The following ZBTB20 variants were observed in gnomAD, a reference collection of about 807,000 sequenced individuals.
ZBTB20 encodes zinc finger and BTB domain-containing protein 20.
ZBTB20 carries 9 observed loss-of-function variants against 56.9 expected under a neutral mutation model. That is an observed-to-expected ratio of 0.16 (90% CI 0.10 to 0.28). The LOEUF is 0.28. Among genes scored for constraint, ZBTB20 ranks in the 10% least tolerant of loss-of-function variants. ZBTB20 has a pLI of 1.00. For synonymous variants in ZBTB20, 417 were observed against 420.7 expected (o/e 0.99, Z 0.11); for missense variants, 655 against 1,003.0 (o/e 0.65, Z 4.69).
At chr3:114,834,188 T>A (rs2074003428) in intron 4 of ZBTB20, among the ~76,000 whole-genome samples, 1 of 152,160 alleles carries the variant, frequency 6.6e-6, no homozygotes, top group Non-Finnish European at 1.5e-5. Context: ...GTATTAATAT[T>A]TTATATCTTA....
chr3:114,921,422 A>C (rs2075954502), intron 3 of ZBTB20, among the ~76,000 whole-genome samples: 1 of 151,886 alleles, frequency 6.6e-6, no homozygotes, highest in African/African-American at 2.4e-5. Flanking sequence ...CGTGCCTGGC[A>C]AAAGAACTAG....
chr3:114,504,884 C>T (rs2044413198), intron 6 of ZBTB20, among the ~76,000 whole-genome samples: 1 of 152,184 alleles, frequency 6.6e-6, no homozygotes, highest in Non-Finnish European at 1.5e-5. Flanking sequence ...TCAGATCATA[C>T]CGCTGCTGGC....
intron 6 of ZBTB20, among the ~76,000 whole-genome samples, chr3:114,618,864 T>C (rs2058117792): frequency 1.3e-5 from 2 of 152,200 alleles, no homozygotes. Flanking sequence ...GTTATACAAT[T>C]TTGCTTCCTC....
At chr3:114,765,499 T>C (rs2068724559) in intron 5 of ZBTB20, among the ~76,000 whole-genome samples, 1 of 152,144 alleles carries the variant, frequency 6.6e-6, no homozygotes, top group Admixed American at 6.5e-5. Flanking sequence ...GCAAGAGGCA[T>C]GAAACAGATT....
At chr3:114,648,492 A>G (rs1213144737) in intron 6 of ZBTB20, among the ~76,000 whole-genome samples, 1 of 152,058 alleles carries the variant, frequency 6.6e-6, no homozygotes, top group Non-Finnish European at 1.5e-5. Context: ...GCATGATGGC[A>G]TCTTAAATTT....
At chr3:114,599,631 T>C (rs565819879) in intron 6 of ZBTB20, among the ~76,000 whole-genome samples, 1 of 152,204 alleles carries the variant, frequency 6.6e-6, no homozygotes, top group African/African-American at 2.4e-5. Flanking sequence ...CTAACTCTTA[T>C]TGGTTGCTTT....
chr3:115,102,678 T>G (rs527410303), intron 1 of ZBTB20: 4 of 151,852 alleles, frequency 2.6e-5, no homozygotes, highest in Non-Finnish European at 5.9e-5. Flanking sequence ...TTGGCTTAAG[T>G]GAAAAATGAG....
chr3:114,837,746 G>A (rs1339106449), intron 4 of ZBTB20, among the ~76,000 whole-genome samples: 13 of 151,996 alleles, frequency 8.6e-5, no homozygotes, highest in Non-Finnish European at 5.9e-5. Context: ...TTAAAAATGA[G>A]TCACTAAGTC....
chr3:114,937,187 C>A (rs540882101), intron 3 of ZBTB20, among the ~76,000 whole-genome samples: 11 of 152,252 alleles, frequency 7.2e-5, no homozygotes, highest in African/African-American at 2.6e-4. Flanking sequence ...CTTGAGGAAT[C>A]GCCACACTGT....
rs150438142 is a variant in ZBTB20, at chr3:114,885,182, T to C, written c.-417+15122A>G. ...AGACCTCCCAACTGTACATTGTTAATAGTTGACAGAACACTCCTCCCTTGC... is the reference window on the plus strand; with the variant it reads ...AGACCTCCCAACTGTACATTGTTAACAGTTGACAGAACACTCCTCCCTTGC... On this transcript the variant is annotated intron_variant, in intron 4 of 11. Coordinates refer to ENST00000675478, the MANE Select transcript of ZBTB20 (RefSeq NM_001348800.3). Among the ~76,000 whole-genome samples the C allele has an allele frequency of 1.8e-3, 268 of 152,268 alleles. 2 individuals carry two copies. The highest frequency in any genetic ancestry group is 6.8e-3 in the Middle Eastern group (2 of 294).
intron 6 of ZBTB20, among the ~76,000 whole-genome samples, chr3:114,563,645 G>A (rs2110304208): frequency 6.6e-6 from 1 of 152,170 alleles, no homozygotes; most frequent in South Asian, 2.1e-4. Context: ...AACTTTTCTA[G>A]TCTGGAATGT....
At chr3:114,737,848 T>TA (rs1484781861) in intron 5 of ZBTB20, among the ~76,000 whole-genome samples, 8 of 152,182 alleles carry the variant, frequency 5.3e-5, no homozygotes, top group Non-Finnish European at 8.8e-5. Context: ...TAGTTATTTA[T>TA]AAACCAGTAT....
chr3:114,562,763 T>A (rs2052239026), intron 6 of ZBTB20, among the ~76,000 whole-genome samples: 1 of 152,142 alleles, frequency 6.6e-6, no homozygotes, highest in Non-Finnish European at 1.5e-5. Context: ...TTCAAAATTA[T>A]GTCTCAGGGA....
intron 7 of ZBTB20, among the ~76,000 whole-genome samples, chr3:114,476,211 C>T (rs1210333134): frequency 1.3e-5 from 2 of 152,104 alleles, no homozygotes; most frequent in African/African-American, 4.8e-5. Context: ...TCGTACTATA[C>T]TTAACACAGC....
At chr3:114,963,181 TA>T (rs2077519167) in intron 3 of ZBTB20, among the ~76,000 whole-genome samples, 2 of 152,138 alleles carry the variant, frequency 1.3e-5, no homozygotes, top group Non-Finnish European at 2.9e-5. Flanking sequence ...AGGTAGTAAT[TA>T]ATGTCCCAAT....
chr3:114,936,259 T>TGCACACATGCATGCAC (rs1452544367), intron 3 of ZBTB20, among the ~76,000 whole-genome samples: 3 of 152,196 alleles, frequency 2.0e-5, no homozygotes, highest in South Asian at 2.1e-4. Flanking sequence ...CACTGATGCA[T>TGCACACATGCATGCAC]GCACACATGC....
chr3:114,738,637 T>C (rs1276460088), intron 5 of ZBTB20, among the ~76,000 whole-genome samples: 2 of 152,198 alleles, frequency 1.3e-5, no homozygotes, highest in Non-Finnish European at 2.9e-5. Flanking sequence ...ATTTTAGTTT[T>C]GTGAAGACAT....
intron 7 of ZBTB20, among the ~76,000 whole-genome samples, chr3:114,407,023 C>T (rs2087399244): frequency 6.6e-6 from 1 of 152,128 alleles, no homozygotes; most frequent in Admixed American, 6.6e-5. Flanking sequence ...ACTTTTCTTA[C>T]TTGTGGTGAG....
At chr3:114,587,245 C>A (rs1288224550) in intron 6 of ZBTB20, among the ~76,000 whole-genome samples, 6 of 152,160 alleles carry the variant, frequency 3.9e-5, no homozygotes, top group African/African-American at 1.4e-4. Flanking sequence ...GATCTGCCCA[C>A]CTCGGCCTCT....
Sources: allele counts gnomAD v4.1 joint callset (sites outside exome capture counted in the v4.1 genomes callset), GRCh38; gene constraint gnomAD v4.1.1; transcripts MANE v1.5; gene names NCBI Gene and HGNC (gene_info 2026-07-23, HGNC 2026-07-21).